Variants in CTNNA2 observed in about 807,000 individuals in gnomAD.
CTNNA2 encodes the protein catenin alpha-2.
CTNNA2 carries 42 observed loss-of-function variants against 101.0 expected under a neutral mutation model. The ratio of observed to expected loss-of-function variants is 0.42; its 90% CI spans 0.32 to 0.54. The LOEUF is 0.54. CTNNA2 is among the 20% of genes least tolerant of loss of function. The pLI is 0.14. For missense variants in CTNNA2, 871 were observed against 1,223.1 expected (o/e 0.71, Z 4.29); for synonymous variants, 450 against 456.4 (o/e 0.99, Z 0.18).
chr2:80,162,587 A>G, intron 7 of CTNNA2: 1 of 1,610,572 alleles, frequency 6.2e-7, no homozygotes, highest in Non-Finnish European at 8.5e-7. Flanking sequence ...ACCCATGATC[A>G]GTGTAACGCT....
intron 7 of CTNNA2, among the ~76,000 whole-genome samples, chr2:80,116,891 T>C (rs1406570535): frequency 8.4e-6 from 1 of 119,688 alleles, no homozygotes; most frequent in African/African-American, 3.6e-5. Context: ...GAAGGGAAAA[T>C]AGAAGAAAAT....
chr2:79,937,315 T>C (rs1687856975), intron 7 of CTNNA2, among the ~76,000 whole-genome samples: 1 of 152,186 alleles, frequency 6.6e-6, no homozygotes, highest in South Asian at 2.1e-4. Context: ...CTACTATCAG[T>C]GTTACAAACA....
At chr2:79,954,721 A>G (rs1380205860) in intron 7 of CTNNA2, among the ~76,000 whole-genome samples, 2 of 152,220 alleles carry the variant, frequency 1.3e-5, no homozygotes, top group Non-Finnish European at 2.9e-5. Flanking sequence ...TATGAGTCTA[A>G]GACTAAAATC....
chr2:79,351,154 T>G (rs1258633517), intron 3 of CTNNA2, among the ~76,000 whole-genome samples: 2 of 152,208 alleles, frequency 1.3e-5, no homozygotes, highest in Non-Finnish European at 2.9e-5. Flanking sequence ...ATTTGTCTAT[T>G]TTTGTTTCTG....
intron 4 of CTNNA2, among the ~76,000 whole-genome samples, chr2:79,474,832 C>A (rs1671034844): frequency 6.6e-6 from 1 of 152,138 alleles, no homozygotes; most frequent in African/African-American, 2.4e-5. Flanking sequence ...GGTCTTTCAA[C>A]TAATGTTCCT....
intron 7 of CTNNA2, among the ~76,000 whole-genome samples, chr2:80,325,809 C>T (rs1183740650): frequency 1.3e-5 from 2 of 152,096 alleles, no homozygotes; most frequent in African/African-American, 2.4e-5. Context: ...TAAAAAGGAC[C>T]TTAGAGATCA....
At chr2:80,535,890 C>T (rs1305748296) in intron 9 of CTNNA2, among the ~76,000 whole-genome samples, 2 of 152,178 alleles carry the variant, frequency 1.3e-5, no homozygotes, top group Admixed American at 6.6e-5. Context: ...GAAAGCGAGA[C>T]AACTCCTACA....
rs1047988911 is a variant in CTNNA2 at position 80,165,428 on chromosome 2, T to A, written c.1057-227783T>A. Among the ~76,000 whole-genome samples, 5 of 152,314 alleles carry A rather than the reference T, an allele frequency of 3.3e-5. No individual in the cohort carries two copies. The East Asian group carries it at 9.7e-4, about 29-fold the overall frequency. On this transcript the variant is annotated intron_variant, in intron 7 of 18. Coordinates refer to ENST00000402739, the MANE Select transcript of CTNNA2 (RefSeq NM_001282597.3). ...GGTTCTAAAAGTTACATGTAGTTTT[T>A]AAAAATATCTTCTACTTCTTTGTTG...
At chr2:79,645,074 C>A (rs150468341) in intron 1 of CTNNA2, among the ~76,000 whole-genome samples, 36 of 152,212 alleles carry the variant, frequency 2.4e-4, no homozygotes, top group South Asian at 6.2e-4. Context: ...CCTCTGCCTC[C>A]TGGGCTCAGG....
intron 7 of CTNNA2, among the ~76,000 whole-genome samples, chr2:80,204,103 C>T (rs113288858): frequency 0.049 from 7,506 of 152,230 alleles, 282 homozygotes; most frequent in Non-Finnish European, 0.079. Context: ...TGGGCCCGGA[C>T]CACAAAATCA....
intron 4 of CTNNA2, among the ~76,000 whole-genome samples, chr2:79,374,473 G>T (rs879799245): frequency 6.6e-6 from 1 of 151,636 alleles, no homozygotes; most frequent in East Asian, 1.9e-4. Context: ...GGGGAGAAGG[G>T]TTTCTCAGTT....
Position 79,852,034 on chromosome 2 carries a change from G to A in CTNNA2, c.299-5979G>A, listed in dbSNP as rs181751312. On this transcript the variant is annotated intron_variant, in intron 3 of 18. Coordinates refer to ENST00000402739, the MANE Select transcript of CTNNA2 (RefSeq NM_001282597.3). ...ATTACAGGTGTGAGCCACAACACCCGGCCTTCTCTCATCTTTTCTAAGAAT... is the reference window on the plus strand; with the variant it reads ...ATTACAGGTGTGAGCCACAACACCCAGCCTTCTCTCATCTTTTCTAAGAAT... Among the ~76,000 whole-genome samples the A allele has an allele frequency of 2.1e-3, 316 of 151,758 alleles. 3 individuals carry two copies. The highest frequency in any genetic ancestry group is 7.2e-3 in the African/African-American group (298 of 41,400).
At chr2:79,233,872 C>CT (rs1212557671) in intron 2 of CTNNA2, among the ~76,000 whole-genome samples, 2 of 151,490 alleles carry the variant, frequency 1.3e-5, no homozygotes, top group East Asian at 3.9e-4. Context: ...AATAATGCTC[C>CT]TTTTTGTTTT....
chr2:80,585,441 T>A (rs1460142414), intron 14 of CTNNA2, among the ~76,000 whole-genome samples: 2 of 152,108 alleles, frequency 1.3e-5, no homozygotes. Context: ...GATCAACAAT[T>A]TGGAGAGCTG....
intron 7 of CTNNA2, among the ~76,000 whole-genome samples, chr2:80,263,860 T>A (rs1672802277): frequency 1.3e-5 from 2 of 152,220 alleles, no homozygotes; most frequent in African/African-American, 4.8e-5. Context: ...CCACTGAATG[T>A]CTTCCAGAGC....
At chr2:80,523,465 C>G (rs150618216) in intron 9 of CTNNA2, among the ~76,000 whole-genome samples, 1 of 152,048 alleles carries the variant, frequency 6.6e-6, no homozygotes, top group South Asian at 2.1e-4. Flanking sequence ...GTTAGGCCTG[C>G]GTGAAGAGAA....
intron 1 of CTNNA2, among the ~76,000 whole-genome samples, chr2:79,589,759 C>T (rs147825481): frequency 4.5e-4 from 67 of 149,274 alleles, no homozygotes; most frequent in African/African-American, 1.5e-3. Flanking sequence ...AGCATCAGGA[C>T]GGCGTGGAAA....
intron 4 of CTNNA2, among the ~76,000 whole-genome samples, chr2:79,425,852 T>G (rs1573160275): frequency 1.3e-5 from 2 of 152,202 alleles, no homozygotes; most frequent in East Asian, 3.8e-4. Context: ...AAGATGTTTA[T>G]CTTTTTTGAT....
chr2:79,367,080 C>G (rs1026196530), intron 3 of CTNNA2, among the ~76,000 whole-genome samples: 1 of 152,106 alleles, frequency 6.6e-6, no homozygotes, highest in African/African-American at 2.4e-5. Flanking sequence ...AAGGGTAGAG[C>G]CCTCATGATA....
Sources: allele counts gnomAD v4.1 joint callset (sites outside exome capture counted in the v4.1 genomes callset), GRCh38; gene constraint gnomAD v4.1.1; transcripts MANE v1.5; gene names NCBI Gene and HGNC (gene_info 2026-07-23, HGNC 2026-07-21).